Variants in PDE4D observed in about 807,000 individuals in gnomAD.
PDE4D encodes the protein phosphodiesterase 4D.
In PDE4D, 24 loss-of-function variants were observed where a neutral mutation model predicts 87.4. That is an observed-to-expected ratio of 0.27 (90% CI 0.20 to 0.39). The LOEUF (loss-of-function observed/expected upper bound fraction) is 0.39, where lower values mean the gene tolerates loss of function less well. PDE4D is among the 10% of genes least tolerant of loss of function. PDE4D has a pLI of 1.00. For missense variants in PDE4D, 714 were observed against 1,041.0 expected, an observed-to-expected ratio of 0.69 and a Z score of 4.32; for synonymous variants, 384 against 383.2, an observed-to-expected ratio of 1.00 and a Z score of -0.02.
intron 1 of PDE4D, among the ~76,000 whole-genome samples, chr5:60,377,997 G>A (rs1161318265): frequency 6.6e-6 from 1 of 152,128 alleles, no homozygotes; most frequent in Non-Finnish European, 1.5e-5. Context: ...CTCACTCTTG[G>A]AAGTGATGAC....
At chr5:59,150,048 C>A (rs1779257366) in intron 5 of PDE4D, among the ~76,000 whole-genome samples, 3 of 151,978 alleles carry the variant, frequency 2.0e-5, no homozygotes, top group Non-Finnish European at 4.4e-5. Context: ...ATTTAGAGTC[C>A]TGTCATGTGG....
chr5:58,999,909 T>C (rs1041783860), intron 6 of PDE4D: 2 of 986,016 alleles, frequency 2.0e-6, no homozygotes, highest in Middle Eastern at 5.2e-4. Flanking sequence ...GCTAGTCCTG[T>C]CAAAAGCTAC....
intron 1 of PDE4D, among the ~76,000 whole-genome samples, chr5:60,354,864 A>G (rs1759487107): frequency 6.6e-6 from 1 of 152,180 alleles, no homozygotes; most frequent in Non-Finnish European, 1.5e-5. Flanking sequence ...ACTAGAGAAA[A>G]CAACAATTTG....
chr5:60,328,426 T>C (rs982275977), intron 1 of PDE4D, among the ~76,000 whole-genome samples: 3 of 151,806 alleles, frequency 2.0e-5, no homozygotes, highest in African/African-American at 7.2e-5. Context: ...GTACTCTTTT[T>C]TAATTGATTT....
chr5:60,482,637 T>C (rs1367240062), intron 1 of PDE4D, among the ~76,000 whole-genome samples: 1 of 152,190 alleles, frequency 6.6e-6, no homozygotes, highest in Non-Finnish European at 1.5e-5. Context: ...GAATACTCAC[T>C]TTAGGCTTTG....
intron 3 of PDE4D, among the ~76,000 whole-genome samples, chr5:59,974,377 A>G (rs1475796801): frequency 1.3e-5 from 2 of 152,220 alleles, no homozygotes; most frequent in Non-Finnish European, 2.9e-5. Flanking sequence ...TATTTAAAAT[A>G]AACTAATACT....
chr5:59,742,032 T>TATC lies in PDE4D; in HGVS notation c.455+151133_455+151135dup, dbSNP rs747642922. Among the ~76,000 whole-genome samples, 193 of 151,956 alleles carry TATC rather than the reference T, an allele frequency of 1.3e-3. 1 individual carries two copies. The highest frequency in any genetic ancestry group is 3.4e-3 in the Middle Eastern group (1 of 294). ...TACTGTTGTTGTTACTGATATCAAT[T>TATC]ATCATCATCATCATCATCATCATCT... On this transcript the variant is annotated intron_variant, in intron 1 of 14. Coordinates refer to ENST00000340635, the MANE Select transcript of PDE4D (RefSeq NM_001104631.2).
intron 2 of PDE4D, among the ~76,000 whole-genome samples, chr5:60,157,852 CTT>C (rs955465461): frequency 9.2e-5 from 14 of 152,074 alleles, no homozygotes; most frequent in African/African-American, 3.1e-4. Flanking sequence ...CCATTCTTTT[CTT>C]TTCTTTTTTC....
intron 1 of PDE4D, among the ~76,000 whole-genome samples, chr5:59,772,851 G>A (rs1763712407): frequency 6.6e-6 from 1 of 152,122 alleles, no homozygotes; most frequent in Non-Finnish European, 1.5e-5. Context: ...AGAAGGTATG[G>A]GTTAATTTTA....
intron 1 of PDE4D, among the ~76,000 whole-genome samples, chr5:59,474,609 G>A (rs1176544630): frequency 6.6e-6 from 1 of 152,090 alleles, no homozygotes; most frequent in Non-Finnish European, 1.5e-5. Flanking sequence ...TTGAGATAAA[G>A]CATCAATCAT....
intron 1 of PDE4D, chr5:59,587,024 A>C: frequency 2.0e-5 from 20 of 984,544 alleles, no homozygotes; most frequent in Non-Finnish European, 2.4e-5. Context: ...TGCTGGTTCA[A>C]CTGCAAAAGT....
intron 2 of PDE4D, among the ~76,000 whole-genome samples, chr5:60,058,529 A>C (rs2152885693): frequency 6.6e-6 from 1 of 152,164 alleles, no homozygotes; most frequent in Non-Finnish European, 1.5e-5. Context: ...TATAAATGAA[A>C]GTAATATCTC....
chr5:59,151,506 T>C (rs1183664738), intron 5 of PDE4D, among the ~76,000 whole-genome samples: 2 of 152,172 alleles, frequency 1.3e-5, no homozygotes, highest in Non-Finnish European at 2.9e-5. Context: ...GAAGGAGGCA[T>C]TATCTTTTTC....
chr5:59,000,437 C>CT (rs1347358091), intron 6 of PDE4D, among the ~76,000 whole-genome samples: 1 of 152,162 alleles, frequency 6.6e-6, no homozygotes, highest in Non-Finnish European at 1.5e-5. Flanking sequence ...TTAAACAATA[C>CT]GACTAATGTC....
At chr5:59,499,515 T>C (rs1290411408) in intron 1 of PDE4D, among the ~76,000 whole-genome samples, 1 of 151,004 alleles carries the variant, frequency 6.6e-6, no homozygotes, top group Admixed American at 6.6e-5. Context: ...TAAAAAAAGA[T>C]TGATATACTG....
rs151132828 is a variant in PDE4D, at chr5:59,483,179, A to G, written c.456-267211T>C. On this transcript the variant is annotated intron_variant, in intron 1 of 14. Coordinates refer to ENST00000340635, the MANE Select transcript of PDE4D (RefSeq NM_001104631.2). The stretch of plus-strand genomic sequence containing the variant: ...CCTGCCAGCTTTCAGACTGGAACTT[A>G]TACCAGCAGCTCTCCTGGGTCTCCA... Among the ~76,000 whole-genome samples the G allele has an allele frequency of 2.0e-5, 3 of 152,260 alleles. No homozygotes were observed. In the East Asian group the frequency reaches 5.8e-4, roughly 29 times the overall value.
intron 3 of PDE4D, among the ~76,000 whole-genome samples, chr5:59,911,662 G>C (rs116300930): frequency 2.7e-4 from 41 of 152,278 alleles, no homozygotes; most frequent in African/African-American, 9.4e-4. Flanking sequence ...AGGAGCATCG[G>C]TTGACTTAAA....
intron 1 of PDE4D, among the ~76,000 whole-genome samples, chr5:59,345,397 C>T (rs368592955): frequency 3.3e-5 from 5 of 152,256 alleles, no homozygotes; most frequent in African/African-American, 1.2e-4. Context: ...ACAATGATTA[C>T]TATTGGTTTG....
intron 1 of PDE4D, among the ~76,000 whole-genome samples, chr5:60,459,522 T>G (rs1746755191): frequency 6.6e-6 from 1 of 152,142 alleles, no homozygotes; most frequent in African/African-American, 2.4e-5. Context: ...GCTAGAATTC[T>G]ATGCACTACT....
Sources: gnomAD v4.1 joint callset for allele counts (sites outside exome capture counted in the v4.1 genomes callset) on GRCh38, gnomAD v4.1.1 for gene constraint, MANE v1.5 for transcripts, NCBI Gene and HGNC (gene_info 2026-07-23, HGNC 2026-07-21) for gene names.